Variants in ARGLU1 observed in about 807,000 individuals in gnomAD.
ARGLU1 encodes arginine and glutamate-rich protein 1.
Under a neutral mutation model 37.6 loss-of-function variants are expected in ARGLU1, and 9 were observed. The ratio of observed to expected loss-of-function variants is 0.24; its 90% confidence interval spans 0.14 to 0.42. ARGLU1 has a LOEUF of 0.42. ARGLU1 is among the 10% of genes least tolerant of loss of function. The probability of loss-of-function intolerance (pLI) is 1.00; values close to 1 mark genes in which losing one functional copy is unlikely to be tolerated. For synonymous variants in ARGLU1, 166 were observed against 138.5 expected (o/e 1.20, Z -1.39); for missense variants, 211 against 359.2 (o/e 0.59, Z 3.34).
rs146057871 is a variant in ARGLU1 at position 106,547,624 on chromosome 13, T to C, written c.658-3464A>G. Among the ~76,000 whole-genome samples, 233 of 152,352 alleles carry C rather than the reference T, an allele frequency of 1.5e-3. 1 individual carries two copies. The highest frequency in any genetic ancestry group is 5.3e-3 in the African/African-American group (221 of 41,586). On this transcript the variant is annotated intron_variant, in intron 3 of 3. Transcript: ENST00000400198. ...TGTTAAATGAAAAAAAGAAAGTTCC[T>C]TGTGTACATGCTACTTTTGTGCAAT... is the stretch of plus-strand genomic sequence containing the variant.
At chr13:106,560,137 G>C (rs1880758928) in intron 1 of ARGLU1, among the ~76,000 whole-genome samples, 1 of 152,200 alleles carries the variant, frequency 6.6e-6, no homozygotes. Flanking sequence ...AGATTGAAGA[G>C]ATTCAGATTG....
chr13:106,549,580 C>T (rs898850201), intron 3 of ARGLU1, among the ~76,000 whole-genome samples: 1 of 152,198 alleles, frequency 6.6e-6, no homozygotes, highest in Admixed American at 6.5e-5. Flanking sequence ...CCCTTCATCC[C>T]TGTGACAACA....
Position 106,557,460 on chromosome 13 carries a change from TA to T in ARGLU1, c.574-330del. The T allele has an allele frequency of 3.2e-6, 3 of 937,774 alleles. No homozygotes were observed. The highest frequency in any genetic ancestry group is 2.9e-6 in the Non-Finnish European group (2 of 693,292). 58.1% of individuals were successfully genotyped at this position (937,774 alleles called of 1,614,324 possible). A position where few individuals can be genotyped will look rare whatever the true frequency, so the allele number is the denominator to read the frequency against. On this transcript the variant is annotated intron_variant, in intron 2 of 3. Transcript: ENST00000400198. The surrounding 1 kb of genome is among the most constrained non-coding windows in gnomAD (Gnocchi z 5.0). ...TTTACCAAATTAAAAAAATAATATA[TA>T]AAATATAAATAAAGTGAATATTTGT...
At chr13:106,547,051 G>C (rs1880409540) in intron 3 of ARGLU1, among the ~76,000 whole-genome samples, 1 of 152,054 alleles carries the variant, frequency 6.6e-6, no homozygotes, top group African/African-American at 2.4e-5. Context: ...ATGGGAATGG[G>C]CTCCTGATAA....
chr13:106,562,392 A>G (rs550941650), intron 1 of ARGLU1, among the ~76,000 whole-genome samples: 73 of 152,286 alleles, frequency 4.8e-4, no homozygotes, highest in Non-Finnish European at 8.4e-4. Flanking sequence ...TTATCATCAT[A>G]ATCAATGATA....
At chr13:106,559,293 T>G in intron 2 of ARGLU1, 139 bp downstream of exon 2, 1 of 1,539,054 alleles carries the variant, frequency 6.5e-7, no homozygotes, top group Non-Finnish European at 8.7e-7. Context: ...AAATTAACTT[T>G]CGCAGCAATG....
rs1461864876 is a variant in ARGLU1 at position 106,559,382 on chromosome 13, T to C, written c.573+50A>G. 3.7e-6 allele frequency: 6 copies of C among 1,608,308 alleles called. No individual in the cohort carries two copies. In the South Asian group the frequency reaches 5.5e-5, roughly 15 times the overall value. ...CTGAGCAGGAGGCAGAACCCAACAC[T>C]GAAAGTTTTGCCATGGACTGTCTCT... On this transcript the variant is annotated intron_variant, in intron 2 of 3. Coordinates refer to ENST00000400198, the MANE Select transcript of ARGLU1 (RefSeq NM_018011.4).
intron 3 of ARGLU1, among the ~76,000 whole-genome samples, chr13:106,549,962 A>G (rs1880494178): frequency 6.6e-6 from 1 of 152,220 alleles, no homozygotes; most frequent in Admixed American, 6.5e-5. Flanking sequence ...TTTCTGTTCT[A>G]AAATTTCACA....
In ARGLU1 at chr13:106,567,602, C is replaced by T; in HGVS notation, c.318G>A (p.Lys106=). The change falls in exon 1 of 4, where the codon AAG becomes AAA. Residue 106 remains lysine, a synonymous_variant. Transcript: ENST00000400198. This position sits in a 1 kb window ranked among gnomAD's most constrained non-coding sequence, Gnocchi z 4.3. Reference sequence around the variant, plus strand: ...TTCGCTGCCGCTCGAACTCCGCTTTCTTCTCCTCCTCCTCTCGCTTCTGCT... The same window carrying T: ...TTCGCTGCCGCTCGAACTCCGCTTTTTTCTCCTCCTCCTCTCGCTTCTGCT... The part of the protein sequence containing the change: ...DEKQKREEEE[K]KAEFERQRKI... The T allele has an allele frequency of 6.2e-7, 1 of 1,613,176 alleles. No individual in the cohort carries two copies. The highest frequency in any genetic ancestry group is 1.1e-5 in the South Asian group (1 of 91,054).
Position 106,557,004 on chromosome 13 carries a change from T to C in ARGLU1, c.657+44A>G. ...ATCCACAAAATCCGAAAAAAGGAAATAAAGCAAAATACAAAACACTTTTCA... is the reference window on the plus strand; with the variant it reads ...ATCCACAAAATCCGAAAAAAGGAAACAAAGCAAAATACAAAACACTTTTCA... On this transcript the variant is annotated intron_variant, in intron 3 of 3. Transcript: ENST00000400198. This position sits in a 1 kb window ranked among gnomAD's most constrained non-coding sequence, Gnocchi z 5.0. 6.5e-7 allele frequency: 1 copy of C among 1,542,164 alleles called. No individual in the cohort carries two copies. Among genetic ancestry groups the C allele is most frequent in the Non-Finnish European group, 9.0e-7 (1 of 1,117,012 alleles).
At chr13:106,566,585 T>C (rs1186661731) in intron 1 of ARGLU1, among the ~76,000 whole-genome samples, 1 of 152,176 alleles carries the variant, frequency 6.6e-6, no homozygotes, top group African/African-American at 2.4e-5. Context: ...ACGATGATCA[T>C]AAAGCAAAAC....
At chr13:106,554,833 C>T (rs553213925) in intron 3 of ARGLU1, among the ~76,000 whole-genome samples, 3 of 150,680 alleles carry the variant, frequency 2.0e-5, no homozygotes, top group East Asian at 4.0e-4. Flanking sequence ...TGCAGTGAGC[C>T]GAGACTCCGC....
rs61965339 is a variant in ARGLU1, at chr13:106,543,845, G to T, written c.*151C>A. The T allele has an allele frequency of 8.7e-6, 5 of 572,710 alleles. No individual in the cohort carries two copies. Among genetic ancestry groups the T allele is most frequent in the African/African-American group, 4.2e-5 (2 of 48,102 alleles). The allele number at this position is 572,710 out of a possible 1,614,324, so 35.5% of individuals were successfully genotyped here. ...GGAAGGAAAAAAAAAAAAAAAAAGG[G>T]AATTGCAGAGCATAGCCCCTATTAG... On this transcript the variant is annotated 3_prime_UTR_variant, in exon 4 of 4. Coordinates refer to ENST00000400198, the MANE Select transcript of ARGLU1 (RefSeq NM_018011.4).
intron 1 of ARGLU1, among the ~76,000 whole-genome samples, chr13:106,562,538 T>C (rs9514550): frequency 0.019 from 2,847 of 152,302 alleles, 44 homozygotes; most frequent in Non-Finnish European, 0.028. Flanking sequence ...CCTCATGATG[T>C]TCTTTTCTCT....
In ARGLU1 at chr13:106,559,441, T is replaced by A; in HGVS notation, c.564A>T (p.Lys188Asn). 1 of 1,614,136 alleles carries A rather than the reference T, an allele frequency of 6.2e-7. No individual in the cohort carries two copies. Among genetic ancestry groups the A allele is most frequent in the Non-Finnish European group, 8.5e-7 (1 of 1,180,034 alleles). ...AACGACCGAGCGTTACCTCTCTAGCTTTTTGTGCGGCAAGCTCAGCTTGTC... is the reference window on the plus strand; with the variant it reads ...AACGACCGAGCGTTACCTCTCTAGCATTTTGTGCGGCAAGCTCAGCTTGTC... ...RQRQAELAAQ[K>N]AREEEERAKR... Residue 188 changes from lysine to asparagine, a missense_variant, in exon 2 of 4, where the codon AAA becomes AAT. This residue lies in a region of ARGLU1 where 80 missense variants were observed against 158.4 expected (regional missense o/e 0.51). Transcript: ENST00000400198.
At position 106,543,549 on chromosome 13, in the gene ARGLU1, A is replaced by G. The variant is rs556672442; in HGVS notation, c.*447T>C. 334 of 153,590 alleles carry G rather than the reference A, an allele frequency of 2.2e-3. 2 individuals carry two copies. Among genetic ancestry groups the G allele is most frequent in the Non-Finnish European group, 4.0e-3 (272 of 68,690 alleles). 9.5% of individuals were successfully genotyped at this position (153,590 alleles called of 1,614,324 possible). On this transcript the variant is annotated 3_prime_UTR_variant, in exon 4 of 4. Transcript: ENST00000400198. Reference sequence around the variant, plus strand: ...GTTTAACAATACACCACATAGGTCCAGTAATACCCTGGGAATTTCCCAATG... The same window carrying G: ...GTTTAACAATACACCACATAGGTCCGGTAATACCCTGGGAATTTCCCAATG...
At chr13:106,566,055 CATCT>C (rs1880953674) in intron 1 of ARGLU1, among the ~76,000 whole-genome samples, 1 of 152,170 alleles carries the variant, frequency 6.6e-6, no homozygotes, top group South Asian at 2.1e-4. Context: ...TTCATACATC[CATCT>C]GTTGATAGCT....
intron 3 of ARGLU1, among the ~76,000 whole-genome samples, chr13:106,555,499 A>G (rs1407116643): frequency 6.6e-6 from 1 of 152,094 alleles, no homozygotes; most frequent in African/African-American, 2.4e-5. Flanking sequence ...GGACAAATCA[A>G]TATTAAGGGT....
chr13:106,557,325 A>G lies in ARGLU1; in HGVS notation c.574-194T>C. ...GCACTAAATTTAAATCATCCCTCCC[A>G]GTCCAAACAGCAACCAACTAAACCC... is the stretch of plus-strand genomic sequence containing the variant. On this transcript the variant is annotated intron_variant, in intron 2 of 3. Coordinates refer to ENST00000400198, the MANE Select transcript of ARGLU1 (RefSeq NM_018011.4). The surrounding 1 kb of genome is among the most constrained non-coding windows in gnomAD (Gnocchi z 5.0). 2 of 645,308 alleles carry G rather than the reference A, an allele frequency of 3.1e-6. No individual in the cohort carries two copies. Among genetic ancestry groups the G allele is most frequent in the Non-Finnish European group, 5.0e-6 (2 of 396,314 alleles). 40.0% of individuals were successfully genotyped at this position (645,308 alleles called of 1,614,324 possible). A position where few individuals can be genotyped will look rare whatever the true frequency, so the allele number is the denominator to read the frequency against.
Sources: gnomAD v4.1 joint callset for allele counts (sites outside exome capture counted in the v4.1 genomes callset) on GRCh38, gnomAD v4.1.1 for gene constraint, gnomAD v4.1.1 regional missense constraint, Gnocchi (gnomAD v3.1) non-coding constraint, MANE v1.5 for transcripts, NCBI Gene and HGNC (gene_info 2026-07-23, HGNC 2026-07-21) for gene names.